ZDHHC15: variants seen among roughly 807,000 people sequenced by gnomAD.
ZDHHC15 encodes zDHHC palmitoyltransferase 15, also known as palmitoyltransferase ZDHHC15.
Under a neutral mutation model 31.7 loss-of-function variants are expected in ZDHHC15, and 19 were observed. The observed-to-expected ratio is 0.60, with a 90% CI of 0.42 to 0.88. The LOEUF (loss-of-function observed/expected upper bound fraction) is 0.88. ZDHHC15 is among the 40% of genes least tolerant of loss of function. The pLI is 0.00. For missense variants in ZDHHC15, 209 were observed against 251.2 expected (o/e 0.83, Z 1.14); for synonymous variants, 103 against 90.0 (o/e 1.14, Z -0.82).
intron 9 of ZDHHC15, among the ~76,000 whole-genome samples, chrX:75,417,816 G>A (rs2083565750): frequency 9.0e-6 from 1 of 111,654 alleles, no homozygotes; most frequent in Admixed American, 9.5e-5. Flanking sequence ...GGGATGCATT[G>A]GAGGGAACTG....
At chrX:75,474,026 G>A (rs1025783764) in intron 3 of ZDHHC15, among the ~76,000 whole-genome samples, 4 of 111,028 alleles carry the variant, frequency 3.6e-5, no homozygotes, top group African/African-American at 6.6e-5. Flanking sequence ...GATGTGTATG[G>A]TTTCAACTTG....
intron 4 of ZDHHC15, among the ~76,000 whole-genome samples, chrX:75,442,124 G>T (rs964412291): frequency 8.9e-6 from 1 of 112,219 alleles, no homozygotes; most frequent in Non-Finnish European, 1.9e-5. Flanking sequence ...CTTTCTAAGT[G>T]TCTTTGTGAG....
At chrX:75,491,521 T>C (rs1056403972) in intron 2 of ZDHHC15, among the ~76,000 whole-genome samples, 2 of 105,791 alleles carry the variant, frequency 1.9e-5, no homozygotes, top group African/African-American at 3.5e-5. Flanking sequence ...ATATACCTAA[T>C]GCTAAATGAC....
At chrX:75,458,841 T>C (rs2084265703) in intron 3 of ZDHHC15, among the ~76,000 whole-genome samples, 1 of 108,939 alleles carries the variant, frequency 9.2e-6, no homozygotes, top group Non-Finnish European at 1.9e-5. Context: ...GTGGCACTCA[T>C]GGAGAGGAAT....
At chrX:75,413,815 C>T (rs764317465) in intron 10 of ZDHHC15, among the ~76,000 whole-genome samples, 1 of 109,582 alleles carries the variant, frequency 9.1e-6, no homozygotes, top group South Asian at 4.1e-4. Flanking sequence ...ACTCCCAGCC[C>T]CCGACCCCGA....
intron 4 of ZDHHC15, among the ~76,000 whole-genome samples, chrX:75,435,868 G>A (rs1294548745): frequency 9.8e-5 from 11 of 111,973 alleles, no homozygotes; most frequent in Non-Finnish European, 1.5e-4. Flanking sequence ...GAATAATTTA[G>A]GAAGGATTCC....
intron 3 of ZDHHC15, among the ~76,000 whole-genome samples, chrX:75,471,758 T>G (rs947077403): frequency 9.8e-5 from 11 of 111,845 alleles, no homozygotes; most frequent in African/African-American, 3.2e-4. Flanking sequence ...TTGGGCTATA[T>G]GACCCAGCAG....
chrX:75,514,783 T>A (rs942391073), intron 1 of ZDHHC15, among the ~76,000 whole-genome samples: 1 of 111,248 alleles, frequency 9.0e-6, no homozygotes, highest in Non-Finnish European at 1.9e-5. Context: ...GGAGCCTTGC[T>A]CACTGCTAGT....
intron 5 of ZDHHC15, among the ~76,000 whole-genome samples, chrX:75,430,218 T>C (rs1389345248): frequency 9.0e-6 from 1 of 111,649 alleles, no homozygotes; most frequent in Non-Finnish European, 1.9e-5. Flanking sequence ...GTCCAACCTT[T>C]CAAAGGGATT....
intron 8 of ZDHHC15, 141 bp from the exon 9 acceptor site, chrX:75,422,131 A>T: frequency 1.4e-6 from 1 of 709,155 alleles, no homozygotes; most frequent in African/African-American, 2.2e-5. Flanking sequence ...CAGACCTCTC[A>T]TTTTTAGGTA....
At chrX:75,455,379 A>G (rs1295915021) in intron 3 of ZDHHC15, among the ~76,000 whole-genome samples, 2 of 112,132 alleles carry the variant, frequency 1.8e-5, no homozygotes, top group African/African-American at 6.5e-5. Flanking sequence ...AAGATGGATT[A>G]AAGACTTAAA....
intron 3 of ZDHHC15, among the ~76,000 whole-genome samples, chrX:75,465,918 G>A (rs1489430293): frequency 1.8e-5 from 2 of 111,432 alleles, no homozygotes; most frequent in East Asian, 2.8e-4. Context: ...AACACCAAAA[G>A]CAATTGCATC....
intron 10 of ZDHHC15, among the ~76,000 whole-genome samples, chrX:75,407,323 C>T (rs774231651): frequency 1.7e-4 from 19 of 111,595 alleles, no homozygotes; most frequent in Non-Finnish European, 1.5e-4. Context: ...GTGAGGAGCC[C>T]CTCCACCCGG....
intron 2 of ZDHHC15, among the ~76,000 whole-genome samples, chrX:75,481,974 C>T (rs1255090734): frequency 8.9e-6 from 1 of 112,034 alleles, no homozygotes; most frequent in Non-Finnish European, 1.9e-5. Context: ...GCTTTACAAA[C>T]TCTAACAAAA....
At chrX:75,455,867 G>C (rs1382869389) in intron 3 of ZDHHC15, among the ~76,000 whole-genome samples, 1 of 112,032 alleles carries the variant, frequency 8.9e-6, no homozygotes, top group African/African-American at 3.2e-5. Context: ...TTGCTGGAGA[G>C]GATGTGGAGA....
intron 2 of ZDHHC15, among the ~76,000 whole-genome samples, chrX:75,491,394 C>T (rs1389192924): frequency 2.0e-5 from 2 of 100,726 alleles, no homozygotes; most frequent in Non-Finnish European, 3.9e-5. Flanking sequence ...CCAAACACCG[C>T]ATATTCTCAC....
At chrX:75,462,416 C>T (rs998001292) in intron 3 of ZDHHC15, among the ~76,000 whole-genome samples, 1 of 112,234 alleles carries the variant, frequency 8.9e-6, no homozygotes, top group African/African-American at 3.2e-5. Context: ...ATCTCTGGAT[C>T]AAGAGGACCT....
intron 11 of ZDHHC15, among the ~76,000 whole-genome samples, chrX:75,373,948 T>G (rs1186574076): frequency 2.6e-5 from 2 of 77,274 alleles, no homozygotes; most frequent in Non-Finnish European, 4.9e-5. Flanking sequence ...TTTTTTTTTT[T>G]GTAGCCATTA....
chrX:75,497,038 A>G (rs1424858753), intron 2 of ZDHHC15, among the ~76,000 whole-genome samples: 1 of 112,059 alleles, frequency 8.9e-6, no homozygotes, highest in Non-Finnish European at 1.9e-5. Context: ...AAAGATAAAT[A>G]AAACAAAAAG....
Sources: gnomAD v4.1 joint callset for allele counts (sites outside exome capture counted in the v4.1 genomes callset) on GRCh38, gnomAD v4.1.1 for gene constraint, MANE v1.5 for transcripts, NCBI Gene and HGNC (gene_info 2026-07-23, HGNC 2026-07-21) for gene names.